Variants in BTD observed in about 807,000 individuals in gnomAD.
The protein encoded by BTD is biotinidase, also known as biocytinase.
In BTD, 13 loss-of-function variants were observed where a neutral mutation model predicts 17.7. The observed-to-expected ratio is 0.74, with a 90% CI of 0.48 to 1.17. BTD has a LOEUF of 1.17. BTD is among the 50% of genes most tolerant of loss of function. BTD has a pLI of 0.00. For missense variants in BTD, 674 were observed against 650.4 expected (o/e 1.04, Z -0.39); for synonymous variants, 240 against 245.2 (o/e 0.98, Z 0.20).
At chr3:15,608,905 C>G (rs1054253643) in intron 1 of BTD, among the ~76,000 whole-genome samples, 8 of 152,124 alleles carry the variant, frequency 5.3e-5, no homozygotes, top group African/African-American at 1.9e-4. Context: ...TTTTCACTTG[C>G]TTCTTCTGCC....
At chr3:15,686,039 G>C in intron 3 of BTD, 1 of 1,613,636 alleles carries the variant, frequency 6.2e-7, no homozygotes, top group Non-Finnish European at 8.5e-7. Flanking sequence ...CTTATCTTTG[G>C]CATCTACATT....
chr3:15,685,125 G>A lies in BTD; in HGVS notation c.400-24935G>A, dbSNP rs902699399. 3.3e-5 allele frequency: 41 copies of A among 1,225,668 alleles called. 1 individual carries two copies. Among genetic ancestry groups the A allele is most frequent in the Admixed American group, 7.2e-5 (4 of 55,738 alleles). The allele number at this position is 1,225,668 out of a possible 1,614,324, so 75.9% of individuals were successfully genotyped here. A position where few individuals can be genotyped will look rare whatever the true frequency, so the allele number is the denominator to read the frequency against. On this transcript the variant is annotated intron_variant, in intron 3 of 3. Transcript: ENST00000672141. ...AGCCTATACAGTAGATTATTCCCAAGGTTTTTGCTAATTTTAAACTTAAAA... is the reference window on the plus strand; with the variant it reads ...AGCCTATACAGTAGATTATTCCCAAAGTTTTTGCTAATTTTAAACTTAAAA...
chr3:15,714,804 G>T, downstream of BTD: 2 of 480,758 alleles, frequency 4.2e-6, no homozygotes, highest in Non-Finnish European at 7.1e-6. Flanking sequence ...TAAAACAGCT[G>T]TTTAAAATTA....
chr3:15,628,519 A>G (rs926204452), intron 1 of BTD, among the ~76,000 whole-genome samples: 2 of 152,246 alleles, frequency 1.3e-5, no homozygotes, highest in African/African-American at 4.8e-5. Context: ...AGGTAGTCCA[A>G]GAAGGAAATG....
intron 1 of BTD, among the ~76,000 whole-genome samples, chr3:15,610,262 A>G (rs1004275290): frequency 1.3e-5 from 2 of 152,220 alleles, no homozygotes; most frequent in South Asian, 4.1e-4. Context: ...AGTGAGCCAC[A>G]TAGCTCTACC....
intron 3 of BTD, among the ~76,000 whole-genome samples, chr3:15,681,709 T>C (rs1306493214): frequency 6.6e-6 from 1 of 152,240 alleles, no homozygotes; most frequent in Non-Finnish European, 1.5e-5. Context: ...TTCCATCTTT[T>C]GTCAGTTCTT....
At chr3:15,609,602 A>C (rs1574974850) in intron 1 of BTD, among the ~76,000 whole-genome samples, 1 of 152,182 alleles carries the variant, frequency 6.6e-6, no homozygotes, top group East Asian at 1.9e-4. Flanking sequence ...GAGCTTTAAA[A>C]ATTTTTAAAT....
chr3:15,686,309 GC>G, intron 3 of BTD: 1 of 1,570,238 alleles, frequency 6.4e-7, no homozygotes, highest in East Asian at 2.3e-5. Context: ...ACCATTTGTT[GC>G]TGTAAAGTGA....
intron 3 of BTD, chr3:15,695,988 CA>C (rs1293651043): frequency 2.7e-5 from 17 of 633,126 alleles, no homozygotes; most frequent in Non-Finnish European, 3.9e-5. Context: ...CTTACTAAAG[CA>C]AGTGTGAATT....
At chr3:15,681,589 A>G (rs2067553493) in intron 3 of BTD, among the ~76,000 whole-genome samples, 1 of 152,230 alleles carries the variant, frequency 6.6e-6, no homozygotes, top group South Asian at 2.1e-4. Flanking sequence ...ATATTTGCCT[A>G]CCAAAGTGAT....
intron 1 of BTD, among the ~76,000 whole-genome samples, chr3:15,629,587 G>A (rs1009652521): frequency 6.6e-6 from 1 of 152,112 alleles, no homozygotes; most frequent in African/African-American, 2.4e-5. Flanking sequence ...GCAATGGTGC[G>A]ATTTGGGCTC....
Position 15,635,629 on chromosome 3 carries a change from G to C in BTD, c.190G>C (p.Glu64Gln). ...TCTCATCAGCCGCCAAGAGGCCTTG[G>C]AGCTCATGAACCAGAACCTTGACAT... ...LALISRQEAL[E>Q]LMNQNLDIYE... The change falls in exon 2 of 4, where the codon GAG becomes CAG. Residue 64 changes from glutamate (E) to glutamine (Q), a missense_variant. Glu to Gln is a conservative substitution (Grantham distance 29). Transcript: ENST00000643237. The surrounding 1 kb of genome is among the most constrained non-coding windows in gnomAD (Gnocchi z 4.1). 6.2e-7 allele frequency: 1 copy of C among 1,614,204 alleles called. No individual in the cohort carries two copies. The highest frequency in any genetic ancestry group is 8.5e-7 in the Non-Finnish European group (1 of 1,180,032).
At chr3:15,707,985 C>T in intron 3 of BTD, 2 of 1,612,340 alleles carry the variant, frequency 1.2e-6, no homozygotes, top group Non-Finnish European at 8.5e-7. Flanking sequence ...TCATCAAGGT[C>T]ATTCACACTT....
intron 3 of BTD, among the ~76,000 whole-genome samples, chr3:15,666,461 T>C (rs1048278292): frequency 6.6e-6 from 1 of 152,172 alleles, no homozygotes; most frequent in Non-Finnish European, 1.5e-5. Context: ...CGTAGAACAG[T>C]TGTGTGGGTT....
chr3:15,713,695 C>T (rs543589487), downstream of BTD: 17 of 1,148,396 alleles, frequency 1.5e-5, no homozygotes, highest in East Asian at 1.6e-4. Context: ...TCAGGTCAAA[C>T]GTACTACATG....
chr3:15,714,532 G>GAAAAAAAA, downstream of BTD: 1 of 1,083,642 alleles, frequency 9.2e-7, no homozygotes, highest in Non-Finnish European at 1.2e-6. Flanking sequence ...CTACATTTAA[G>GAAAAAAAA]AAAAAAAAAA....
chr3:15,707,225 T>C (rs1167957503), intron 3 of BTD, among the ~76,000 whole-genome samples: 1 of 151,054 alleles, frequency 6.6e-6, no homozygotes, highest in Non-Finnish European at 1.5e-5. Context: ...GAAAATCTTT[T>C]CTGTTTTCAA....
At chr3:15,659,380 C>T (rs1029412794) in intron 3 of BTD, among the ~76,000 whole-genome samples, 37 of 152,148 alleles carry the variant, frequency 2.4e-4, no homozygotes, top group African/African-American at 8.7e-4. Context: ...TTCAAAGACT[C>T]CCAAGTGCTT....
chr3:15,670,602 T>C (rs1412635277), intron 3 of BTD: 12 of 1,562,130 alleles, frequency 7.7e-6, no homozygotes, highest in Non-Finnish European at 1.0e-5. Context: ...CTGAGATGTA[T>C]TTCACCAAAG....
Sources: allele counts gnomAD v4.1 joint callset (sites outside exome capture counted in the v4.1 genomes callset), GRCh38; gene constraint gnomAD v4.1.1; non-coding constraint Gnocchi (gnomAD v3.1); transcripts MANE v1.5; gene names NCBI Gene and HGNC (gene_info 2026-07-23, HGNC 2026-07-21).